PPP4C: variants seen among roughly 807,000 people sequenced by gnomAD.
PPP4C encodes serine/threonine-protein phosphatase 4 catalytic subunit.
Under a neutral mutation model 40.5 loss-of-function variants are expected in PPP4C, and 10 were observed. That is an observed-to-expected ratio of 0.25 (90% CI 0.15 to 0.42). PPP4C has a LOEUF of 0.42. Ranked by LOEUF, PPP4C falls within the 10% of genes least tolerant of loss-of-function variation. PPP4C has a pLI of 1.00. For synonymous variants in PPP4C, 187 were observed against 163.6 expected (o/e 1.14, Z -1.09); for missense variants, 191 against 416.4 (o/e 0.46, Z 4.71).
Position 30,076,349 on chromosome 16 carries a change from C to T in PPP4C, c.-29C>T, listed in dbSNP as rs542241339. The T allele has an allele frequency of 1.2e-6, 2 of 1,609,198 alleles. No homozygotes were observed. The highest frequency in any genetic ancestry group is 1.7e-6 in the Non-Finnish European group (2 of 1,177,830). ...GTGCGGTGCGGAGGGGGCGGCGGCC[C>T]CGACTCTGACCCGCGCCGGGGGTGG... On this transcript the variant is annotated 5_prime_UTR_variant, in exon 2 of 9. Transcript: ENST00000279387.
Position 30,085,256 on chromosome 16 carries a change from A to AAC in PPP4C, c.*194_*195insAC. On this transcript the variant is annotated 3_prime_UTR_variant, in exon 9 of 9. Transcript: ENST00000279387. ...TCCATGTTCCTCCTCCTCTCTCCCC[A>AAC]CTTGAACCATGAAGTTTCCAATAAT... 1 of 460,442 alleles carries AAC rather than the reference A, an allele frequency of 2.2e-6. No homozygotes were observed. The highest frequency in any genetic ancestry group is 3.7e-6 in the Non-Finnish European group (1 of 267,656). The allele number at this position is 460,442 out of a possible 1,614,324, so 28.5% of individuals were successfully genotyped here.
chr16:30,085,270 G>A lies in PPP4C; in HGVS notation c.*208G>A. ...CCTCTCTCCCCACTTGAACCATGAA[G>A]TTTCCAATAATTTTTTTTTCTTTTT... is the stretch of plus-strand genomic sequence containing the variant. On this transcript the variant is annotated 3_prime_UTR_variant, in exon 9 of 9. Coordinates refer to ENST00000279387, the MANE Select transcript of PPP4C (RefSeq NM_002720.3). The A allele has an allele frequency of 2.4e-6, 1 of 418,292 alleles. No individual in the cohort carries two copies. Among genetic ancestry groups the A allele is most frequent in the Non-Finnish European group, 4.1e-6 (1 of 241,942 alleles). The allele number at this position is 418,292 out of a possible 1,614,324, so 25.9% of individuals were successfully genotyped here.
chr16:30,083,447 G>A lies in PPP4C; in HGVS notation c.357G>A (p.Gln119=). 6.2e-7 allele frequency: 1 copy of A among 1,614,134 alleles called. No homozygotes were observed. Among genetic ancestry groups the A allele is most frequent in the Non-Finnish European group, 8.5e-7 (1 of 1,180,026 alleles). The part of the protein sequence containing the change: ...TLIRGNHESR[Q]ITQVYGFYDE... ...TCCGGGGCAACCATGAGAGTCGCCA[G>A]ATCACGCAGGTCTATGGCTTCTACG... The change falls in exon 6 of 9, where the codon CAG becomes CAA. Residue 119 remains glutamine (Q), a synonymous_variant. Coordinates refer to ENST00000279387, the MANE Select transcript of PPP4C (RefSeq NM_002720.3). The surrounding 1 kb of genome is among the most constrained non-coding windows in gnomAD (Gnocchi z 6.3).
At chr16:30,081,193 A>G in intron 2 of PPP4C, 66 bp from the exon 3 acceptor site, 1 of 1,606,336 alleles carries the variant, frequency 6.2e-7, no homozygotes, top group South Asian at 1.1e-5. Flanking sequence ...CCCTCCCCCC[A>G]AAAAAGGTCA....
At position 30,081,282 on chromosome 16, in the gene PPP4C, A is replaced by G; in HGVS notation, c.122A>G (p.Asn41Ser). Residue 41 changes from asparagine to serine, a missense_variant, in exon 3 of 9, where the codon AAC becomes AGC. By Grantham distance (46) the Asn-to-Ser change is conservative (BLOSUM62 1). This residue lies in a region of PPP4C where 171 missense variants were observed against 352.4 expected (regional missense o/e 0.49). Coordinates refer to ENST00000279387, the MANE Select transcript of PPP4C (RefSeq NM_002720.3). ...KAREILVEES[N>S]VQRVDSPVTV... ...AGAGAGATCTTGGTAGAGGAGAGCA[A>G]CGTGCAGAGGGTGGACTCGCCAGTC... 6.2e-7 allele frequency: 1 copy of G among 1,613,810 alleles called. No individual in the cohort carries two copies. The highest frequency in any genetic ancestry group is 8.5e-7 in the Non-Finnish European group (1 of 1,179,898).
Position 30,083,916 on chromosome 16 carries a change from C to G in PPP4C, c.604+135C>G, listed in dbSNP as rs925291841. The G allele has an allele frequency of 7.5e-7, 1 of 1,325,642 alleles. No individual in the cohort carries two copies. Among genetic ancestry groups the G allele is most frequent in the Non-Finnish European group, 1.0e-6 (1 of 966,492 alleles). The allele number at this position is 1,325,642 out of a possible 1,614,324, so 82.1% of individuals were successfully genotyped here. On this transcript the variant is annotated intron_variant, in intron 7 of 8. Coordinates refer to ENST00000279387, the MANE Select transcript of PPP4C (RefSeq NM_002720.3). This position sits in a 1 kb window ranked among gnomAD's most constrained non-coding sequence, Gnocchi z 6.3. Reference sequence around the variant, plus strand: ...AACCCTGGAGGAGGAGCAGGGAGGCCTGCATGGCAGGTGCTTTGAGCACAC... The same window carrying G: ...AACCCTGGAGGAGGAGCAGGGAGGCGTGCATGGCAGGTGCTTTGAGCACAC...
chr16:30,084,035 C>T (rs1423686158), intron 7 of PPP4C, among the ~76,000 whole-genome samples: 2 of 152,246 alleles, frequency 1.3e-5, no homozygotes, highest in Non-Finnish European at 2.9e-5. Flanking sequence ...GCAGCTTCTT[C>T]AGAGGTCAGA....
At chr16:30,082,352 G>A (rs1460226467) in intron 3 of PPP4C, 132 bp from the exon 4 acceptor site, 1 of 891,120 alleles carries the variant, frequency 1.1e-6, no homozygotes, top group Non-Finnish European at 1.8e-6. Flanking sequence ...GGGTGGGAGA[G>A]GAGAATTTTG....
chr16:30,084,396 T>G (rs1244797381), intron 7 of PPP4C, among the ~76,000 whole-genome samples: 1 of 152,224 alleles, frequency 6.6e-6, no homozygotes, highest in East Asian at 1.9e-4. Flanking sequence ...CCTTTCACTC[T>G]TATGTGCTGT....
At chr16:30,079,921 T>C (rs545185238) in intron 2 of PPP4C, among the ~76,000 whole-genome samples, 3 of 152,320 alleles carry the variant, frequency 2.0e-5, no homozygotes, top group Admixed American at 2.0e-4. Flanking sequence ...AATTTCTTCA[T>C]CTGTGTACCG....
At chr16:30,084,280 CACAT>C (rs1335013289) in intron 7 of PPP4C, among the ~76,000 whole-genome samples, 2 of 152,200 alleles carry the variant, frequency 1.3e-5, no homozygotes, top group African/African-American at 2.4e-5. Context: ...CACAGCCACA[CACAT>C]ACAGACACAC....
At position 30,076,320 on chromosome 16, in the gene PPP4C, C is replaced by G; in HGVS notation, c.-58C>G. On this transcript the variant is annotated 5_prime_UTR_variant, in exon 2 of 9. Coordinates refer to ENST00000279387, the MANE Select transcript of PPP4C (RefSeq NM_002720.3). ...CTCGTCTTGGCCTTTCCCAGGAGAC[C>G]CCTGTGCGGTGCGGAGGGGGCGGCG... The G allele has an allele frequency of 1.3e-6, 2 of 1,563,582 alleles. No homozygotes were observed. The highest frequency in any genetic ancestry group is 2.3e-5 in the East Asian group (1 of 43,708).
In PPP4C at chr16:30,076,055, G is replaced by A; in HGVS notation, c.-103G>A. ...GGTCGAAAGCGGAGTGAAAGAGGGA[G>A]GCAGGGAGCCGGAGAGCCGGAACCG... On this transcript the variant is annotated 5_prime_UTR_variant, in exon 1 of 9. Transcript: ENST00000279387. 6.9e-6 allele frequency: 3 copies of A among 434,378 alleles called. No individual in the cohort carries two copies. Among genetic ancestry groups the A allele is most frequent in the Non-Finnish European group, 1.2e-5 (3 of 242,946 alleles). 26.9% of individuals were successfully genotyped at this position (434,378 alleles called of 1,614,324 possible).
chr16:30,076,199 T>C, intron 1 of PPP4C, 105 bp downstream of exon 1: 1 of 445,582 alleles, frequency 2.2e-6, no homozygotes, highest in Non-Finnish European at 3.6e-6. Context: ...CGGGGGGTCC[T>C]GGGGCCGATG....
Position 30,083,627 on chromosome 16 carries a change from C to T in PPP4C, c.478-28C>T, listed in dbSNP as rs201483621. 4.7e-5 allele frequency: 76 copies of T among 1,614,098 alleles called. No individual in the cohort carries two copies. The Middle Eastern group carries it at 9.9e-4, about 21-fold the overall frequency. ...GGAGGGGGGCTTCAGGCCTCAGCCC[C>T]GTCCTCTTTCCCTGCTCTCCCCTGT... On this transcript the variant is annotated intron_variant, in intron 6 of 8. Coordinates refer to ENST00000279387, the MANE Select transcript of PPP4C (RefSeq NM_002720.3). This position sits in a 1 kb window ranked among gnomAD's most constrained non-coding sequence, Gnocchi z 6.3.
intron 7 of PPP4C, 127 bp from the exon 8 acceptor site, chr16:30,084,539 C>G: frequency 1.2e-6 from 1 of 809,084 alleles, no homozygotes; most frequent in Non-Finnish European, 2.1e-6. Flanking sequence ...TATTCAGGCC[C>G]CATGCTCTGG....
chr16:30,083,357 G>T lies in PPP4C; in HGVS notation c.304-37G>T. 6.3e-7 allele frequency: 1 copy of T among 1,591,836 alleles called. No homozygotes were observed. On this transcript the variant is annotated intron_variant, in intron 5 of 8. Coordinates refer to ENST00000279387, the MANE Select transcript of PPP4C (RefSeq NM_002720.3). The surrounding 1 kb of genome is among the most constrained non-coding windows in gnomAD (Gnocchi z 6.3). ...TCAGAGAGGGATGTGTGGAGAGACC[G>T]TCTAGGCGCCAGCCCTGGCTTGGTG...
At chr16:30,084,630 A>G in intron 7 of PPP4C, 36 bp from the exon 8 acceptor site, 12 of 1,596,714 alleles carry the variant, frequency 7.5e-6, no homozygotes, top group Non-Finnish European at 1.0e-5. Context: ...GAGAAGCCTG[A>G]GGACATCCCT....
intron 2 of PPP4C, among the ~76,000 whole-genome samples, chr16:30,077,401 T>C (rs1169689179): frequency 6.6e-6 from 1 of 152,192 alleles, no homozygotes; most frequent in Non-Finnish European, 1.5e-5. Context: ...TGAGATGGGC[T>C]AAAGCCATCA....
Sources: allele counts gnomAD v4.1 joint callset (sites outside exome capture counted in the v4.1 genomes callset), GRCh38; gene constraint gnomAD v4.1.1; regional missense constraint gnomAD v4.1.1; non-coding constraint Gnocchi (gnomAD v3.1); transcripts MANE v1.5; gene names NCBI Gene and HGNC (gene_info 2026-07-23, HGNC 2026-07-21).